POR: variants seen among roughly 807,000 people sequenced by gnomAD.
The protein encoded by POR is NADPH--cytochrome P450 reductase.
Under a neutral mutation model 84.0 loss-of-function variants are expected in POR, and 56 were observed. The ratio of observed to expected loss-of-function variants is 0.67; its 90% CI spans 0.54 to 0.83. The LOEUF (loss-of-function observed/expected upper bound fraction) is 0.83. Ranked by LOEUF, POR falls within the 40% of genes least tolerant of loss-of-function variation. The pLI, the probability that POR is intolerant of heterozygous loss-of-function variation, is 0.00. For missense variants in POR, 938 were observed against 944.3 expected, an observed-to-expected ratio of 0.99 and a Z score of 0.09; for synonymous variants, 414 against 400.5, an observed-to-expected ratio of 1.03 and a Z score of -0.40.
At chr7:75,970,318 C>A (rs908066247) in intron 2 of POR, among the ~76,000 whole-genome samples, 15 of 151,894 alleles carry the variant, frequency 9.9e-5, no homozygotes, top group East Asian at 2.0e-4. Flanking sequence ...TTTACAGGGT[C>A]TCCCTCTGTC....
chr7:75,939,027 T>A (rs1554551183), intron 1 of POR, among the ~76,000 whole-genome samples: 1 of 152,096 alleles, frequency 6.6e-6, no homozygotes, highest in Non-Finnish European at 1.5e-5. Flanking sequence ...CAGCTCTATT[T>A]CCCCTGCACC....
chr7:75,926,453 A>G (rs1807131643), intron 1 of POR, among the ~76,000 whole-genome samples: 1 of 152,104 alleles, frequency 6.6e-6, no homozygotes, highest in South Asian at 2.1e-4. Flanking sequence ...AGGGAGAAGC[A>G]TTGACTCTGG....
intron 1 of POR, among the ~76,000 whole-genome samples, chr7:75,937,019 G>A (rs1433689497): frequency 2.6e-5 from 4 of 151,006 alleles, no homozygotes; most frequent in African/African-American, 9.7e-5. Flanking sequence ...AGTAGAGACG[G>A]GGTTTCACCG....
At position 75,985,850 on chromosome 7, in the gene POR, G is replaced by A. The variant is rs377017180; in HGVS notation, c.1669+1G>A. On this transcript the variant is annotated splice_donor_variant, in intron 13 of 15. Transcript: ENST00000461988. LOFTEE classifies it high-confidence loss of function. ...GAGCGGGCCTGGCTGCGACAGCAGG[G>A]TGAGTGGGGTCCCATGGGGGAGAGG... 2 of 1,550,450 alleles carry A rather than the reference G, an allele frequency of 1.3e-6. No individual in the cohort carries two copies. The highest frequency in any genetic ancestry group is 1.7e-6 in the Non-Finnish European group (2 of 1,144,610).
At chr7:75,930,339 A>G (rs1334640032) in intron 1 of POR, among the ~76,000 whole-genome samples, 2 of 152,092 alleles carry the variant, frequency 1.3e-5, no homozygotes, top group African/African-American at 4.8e-5. Flanking sequence ...GAAACTAGCC[A>G]GGCGTAGTGG....
intron 10 of POR, among the ~76,000 whole-genome samples, 163 bp downstream of exon 10, chr7:75,984,019 G>A (rs1229565213): frequency 2.6e-5 from 4 of 152,144 alleles, no homozygotes; most frequent in Non-Finnish European, 5.9e-5. Context: ...AACGGGAGGC[G>A]GGGTGGCCCT....
intron 7 of POR, 104 bp from the exon 8 acceptor site, chr7:75,982,120 C>G: frequency 1.2e-6 from 1 of 806,228 alleles, no homozygotes; most frequent in Non-Finnish European, 2.1e-6. Flanking sequence ...GTACCTGGGA[C>G]CTCACCCCAA....
intron 2 of POR, among the ~76,000 whole-genome samples, chr7:75,966,589 G>A (rs1423335400): frequency 6.6e-6 from 1 of 152,198 alleles, no homozygotes; most frequent in Non-Finnish European, 1.5e-5. Flanking sequence ...AAGGGAGCTG[G>A]TCCAAAGCAG....
At chr7:75,952,497 T>C (rs1187000833) in intron 1 of POR, among the ~76,000 whole-genome samples, 2 of 151,042 alleles carry the variant, frequency 1.3e-5, no homozygotes, top group African/African-American at 4.9e-5. Flanking sequence ...GGGTGGCTGC[T>C]GGGCGGAGAC....
At chr7:75,939,367 G>T (rs1807851439) in intron 1 of POR, among the ~76,000 whole-genome samples, 1 of 152,142 alleles carries the variant, frequency 6.6e-6, no homozygotes, top group Non-Finnish European at 1.5e-5. Flanking sequence ...CGGGTTCCAG[G>T]CCTGCTTTGG....
chr7:75,955,085 G>A (rs578170231), intron 2 of POR, among the ~76,000 whole-genome samples: 18 of 152,070 alleles, frequency 1.2e-4, no homozygotes, highest in Non-Finnish European at 2.1e-4. Context: ...CAAGCAATCC[G>A]CACACCTTGG....
At chr7:75,982,941 A>C (rs912341721) in intron 8 of POR, among the ~76,000 whole-genome samples, 2 of 152,220 alleles carry the variant, frequency 1.3e-5, no homozygotes, top group Non-Finnish European at 2.9e-5. Context: ...AGCCTGTGGC[A>C]CCGTCAGCTT....
chr7:75,971,939 T>C (rs1788462846), intron 2 of POR, among the ~76,000 whole-genome samples: 1 of 151,672 alleles, frequency 6.6e-6, no homozygotes, highest in South Asian at 2.1e-4. Context: ...CCATGGGTCG[T>C]GGGAGCTGTT....
rs558037417 is a variant in POR at position 75,982,621 on chromosome 7, A to C, written c.830+299A>C. 2.3e-3 allele frequency among the ~76,000 whole-genome samples: 350 copies of C among 152,270 alleles called. 3 individuals are homozygous for C. Among genetic ancestry groups the C allele is most frequent in the African/African-American group, 8.3e-3 (343 of 41,544 alleles). On this transcript the variant is annotated intron_variant, in intron 8 of 15. Transcript: ENST00000461988. ...TGTGGCTAGGATCCTCTTTGGCAGA[A>C]GGGCTCATTTTCTTAGAATCTATCT...
chr7:75,918,386 C>T (rs1175619149), intron 1 of POR, among the ~76,000 whole-genome samples: 12 of 152,098 alleles, frequency 7.9e-5, no homozygotes, highest in Admixed American at 7.2e-4. Flanking sequence ...TTGGACCCGC[C>T]GGGCAGGTGG....
intron 3 of POR, among the ~76,000 whole-genome samples, chr7:75,974,925 CTT>C (rs1312781388): frequency 6.7e-6 from 1 of 149,194 alleles, no homozygotes; most frequent in African/African-American, 2.6e-5. Flanking sequence ...AGATGAATCT[CTT>C]GTCTGTGATA....
chr7:75,985,494 GGGCT>G, intron 12 of POR, 81 bp from the exon 13 acceptor site: 1 of 1,421,984 alleles, frequency 7.0e-7, no homozygotes. Flanking sequence ...TGGGTGAGTG[GGGCT>G]GGCCTGCAGA....
intron 1 of POR, among the ~76,000 whole-genome samples, chr7:75,936,655 C>T (rs1288556215): frequency 1.3e-5 from 2 of 151,626 alleles, no homozygotes; most frequent in Non-Finnish European, 2.9e-5. Flanking sequence ...GTAACACATG[C>T]GTGTGTGGGC....
chr7:75,919,382 C>CGTGTGTGCGTGTGT (rs1806740921), intron 1 of POR, among the ~76,000 whole-genome samples: 1 of 146,432 alleles, frequency 6.8e-6, no homozygotes, highest in African/African-American at 2.5e-5. Context: ...TCTGTGCGTG[C>CGTGTGTGCGTGTGT]GTGTGTGTGT....
Sources: gnomAD v4.1 joint callset for allele counts (sites outside exome capture counted in the v4.1 genomes callset) on GRCh38, gnomAD v4.1.1 for gene constraint, MANE v1.5 for transcripts, NCBI Gene and HGNC (gene_info 2026-07-23, HGNC 2026-07-21) for gene names.